The following HPN variants were observed in gnomAD, a reference collection of about 807,000 sequenced individuals.
The protein encoded by HPN is serine protease hepsin.
A neutral mutation model predicts 55.9 loss-of-function variants in HPN; 13 were observed. The observed-to-expected ratio is 0.23, with a 90% CI of 0.15 to 0.37. The LOEUF (loss-of-function observed/expected upper bound fraction) is 0.37. Ranked by LOEUF, HPN falls within the 10% of genes least tolerant of loss-of-function variation. The pLI, the probability that HPN is intolerant of heterozygous loss-of-function variation, is 1.00. For missense variants in HPN, 451 were observed against 575.8 expected (o/e 0.78, Z 2.22); for synonymous variants, 225 against 240.3 (o/e 0.94, Z 0.59).
At chr19:35,058,583 TATA>T (rs1568360826) in intron 4 of HPN, among the ~76,000 whole-genome samples, 2 of 146,626 alleles carry the variant, frequency 1.4e-5, no homozygotes, top group Non-Finnish European at 3.0e-5. Context: ...ATTATAATAA[TATA>T]TTATTATATT....
chr19:35,042,772 C>T (rs1370523676), intron 2 of HPN, among the ~76,000 whole-genome samples: 2 of 152,194 alleles, frequency 1.3e-5, no homozygotes, highest in African/African-American at 2.4e-5. Flanking sequence ...CCCTCATCCC[C>T]CAGTGATTTC....
chr19:35,060,532 G>C lies in HPN; in HGVS notation c.620+20G>C, dbSNP rs376696619. 2 of 1,611,852 alleles carry C rather than the reference G, an allele frequency of 1.2e-6. No homozygotes were observed. The highest frequency in any genetic ancestry group is 2.7e-5 in the African/African-American group (2 of 75,064). The stretch of plus-strand genomic sequence containing the variant: ...CCCGGAGTGAGTGCCCCCCAATGGC[G>C]CTGATGATGGGGAGGCAGAGGAGCG... On this transcript the variant is annotated intron_variant, in intron 8 of 12. Coordinates refer to ENST00000672452, the MANE Select transcript of HPN (RefSeq NM_001384133.1).
intron 4 of HPN, among the ~76,000 whole-genome samples, chr19:35,053,927 C>A (rs2064429321): frequency 6.6e-6 from 1 of 152,100 alleles, no homozygotes; most frequent in African/African-American, 2.4e-5. Flanking sequence ...GGCAGGCCAG[C>A]CAGGTGGCTT....
At chr19:35,048,072 GAAA>G (rs769800956) in intron 2 of HPN, among the ~76,000 whole-genome samples, 613 of 57,108 alleles carry the variant, frequency 0.011, 7 homozygotes, top group African/African-American at 0.037. Flanking sequence ...AAGAAAGAAA[GAAA>G]GAAAGAAAAG....
chr19:35,041,049 C>A (rs552728841), upstream of HPN, among the ~76,000 whole-genome samples: 1 of 152,334 alleles, frequency 6.6e-6, no homozygotes, highest in Non-Finnish European at 1.5e-5. Flanking sequence ...CGCCTGGCTG[C>A]TGGCGGGACA....
chr19:35,062,076 A>G (rs758336976), intron 9 of HPN, among the ~76,000 whole-genome samples: 1 of 152,116 alleles, frequency 6.6e-6, no homozygotes, highest in African/African-American at 2.4e-5. Flanking sequence ...AGAAGAAAGA[A>G]AGAAAGAGAA....
At chr19:35,062,088 G>T (rs111405470) in intron 9 of HPN, among the ~76,000 whole-genome samples, 5,278 of 151,234 alleles carry the variant, frequency 0.035, 318 homozygotes, top group African/African-American at 0.12. Flanking sequence ...GAAAGAGAAA[G>T]AAAAGAAAGG....
intron 4 of HPN, 101 bp from the exon 5 acceptor site, chr19:35,059,572 C>T: frequency 1.4e-6 from 2 of 1,459,372 alleles, no homozygotes; most frequent in Non-Finnish European, 1.9e-6. Flanking sequence ...CACGTCTACA[C>T]CACATGGCTG....
intron 2 of HPN, among the ~76,000 whole-genome samples, chr19:35,048,063 AG>A (rs2064362969): frequency 1.3e-4 from 7 of 52,564 alleles, no homozygotes; most frequent in Non-Finnish European, 6.5e-5. Flanking sequence ...AAAGAAAGAA[AG>A]AAAGAAAGAA....
At position 35,042,552 on chromosome 19, in the gene HPN, G is replaced by T. The variant is rs764971963; in HGVS notation, c.16+30G>T. ...GTCCCCTTCCCTGAGCCCCAGCTTT[G>T]GCTCTGCCTGGCGCCCCGCCCTCTG... On this transcript the variant is annotated intron_variant, in intron 2 of 12. Transcript: ENST00000672452. 5 of 1,579,050 alleles carry T rather than the reference G, an allele frequency of 3.2e-6. No homozygotes were observed. The South Asian group carries it at 4.6e-5, about 14-fold the overall frequency.
chr19:35,060,774 C>T lies in HPN; in HGVS notation c.768C>T (p.Asn256=), dbSNP rs1014770632. 35 of 1,608,616 alleles carry T rather than the reference C, an allele frequency of 2.2e-5. No individual in the cohort carries two copies. The highest frequency in any genetic ancestry group is 2.6e-5 in the Non-Finnish European group (31 of 1,177,200). The change falls in exon 9 of 13, where the codon AAC becomes AAT. Residue 256 remains asparagine, a synonymous_variant. Transcript: ENST00000672452. ...ACCCCAACAGCGAGGAGAACAGCAA[C>T]GATATTGCCCTGGTCCACCTCTCCA... The part of the protein sequence containing the change: ...FRDPNSEENS[N]DIALVHLSSP...
upstream of HPN, chr19:35,041,690 A>ACCCCCCCCCCCCCCCC: frequency 1.3e-6 from 1 of 773,492 alleles, no homozygotes; most frequent in Non-Finnish European, 1.5e-6. Context: ...CCGCCCCTTC[A>ACCCCCCCCCCCCCCCC]CCCGCCCCTC....
intron 2 of HPN, among the ~76,000 whole-genome samples, chr19:35,048,064 G>C (rs1284561396): frequency 1.9e-5 from 1 of 53,490 alleles, no homozygotes; most frequent in African/African-American, 1.0e-4. Flanking sequence ...AAGAAAGAAA[G>C]AAAGAAAGAA....
At chr19:35,042,349 C>G in intron 1 of HPN, 104 bp from the exon 2 acceptor site, 1 of 1,445,822 alleles carries the variant, frequency 6.9e-7, no homozygotes, top group South Asian at 1.5e-5. Context: ...TGGCCAAGGC[C>G]CAGTCCCTAC....
chr19:35,065,210 C>A, intron 9 of HPN, 40 bp from the exon 10 acceptor site: 1 of 1,452,012 alleles, frequency 6.9e-7, no homozygotes, highest in Non-Finnish European at 9.6e-7. Flanking sequence ...CCAGGTGGGG[C>A]AGGCCAGCGG....
Position 35,066,355 on chromosome 19 carries a change from C to T in HPN, c.*68C>T, listed in dbSNP as rs557024232. ...CCCGGTGGTGGGATCCACGCTGGGC[C>T]TAGGATGGGACGTTTTTCTTCTTGG... On this transcript the variant is annotated 3_prime_UTR_variant, in exon 13 of 13. Coordinates refer to ENST00000672452, the MANE Select transcript of HPN (RefSeq NM_001384133.1). 8 of 1,560,664 alleles carry T rather than the reference C, an allele frequency of 5.1e-6. No individual in the cohort carries two copies. Among genetic ancestry groups the T allele is most frequent in the South Asian group, 4.6e-5 (4 of 86,218 alleles).
At chr19:35,051,740 C>T (rs568746621) in intron 4 of HPN, among the ~76,000 whole-genome samples, 37 of 152,234 alleles carry the variant, frequency 2.4e-4, no homozygotes, top group African/African-American at 5.8e-4. Context: ...CTGACATATG[C>T]CAGGCCCTGG....
At position 35,049,199 on chromosome 19, in the gene HPN, C is replaced by T. The variant is rs1211805445; in HGVS notation, c.17-91C>T. 5.6e-6 allele frequency: 5 copies of T among 886,652 alleles called. No individual in the cohort carries two copies. In the African/African-American group the frequency reaches 8.6e-5, roughly 15 times the overall value. The allele number at this position is 886,652 out of a possible 1,614,324, so 54.9% of individuals were successfully genotyped here. A position where few individuals can be genotyped will look rare whatever the true frequency, so the allele number is the denominator to read the frequency against. Reference sequence around the variant, plus strand: ...GACATGCTTGGGCATAATAAGTTAGCCCTGGGGGCAGGGCAGAGCTGGCCT... The same window carrying T: ...GACATGCTTGGGCATAATAAGTTAGTCCTGGGGGCAGGGCAGAGCTGGCCT... On this transcript the variant is annotated intron_variant, in intron 2 of 12. Coordinates refer to ENST00000672452, the MANE Select transcript of HPN (RefSeq NM_001384133.1).
At chr19:35,049,080 T>A (rs1235392392) in intron 2 of HPN, among the ~76,000 whole-genome samples, 1 of 152,118 alleles carries the variant, frequency 6.6e-6, no homozygotes, top group African/African-American at 2.4e-5. Context: ...CCCTCCCAGC[T>A]GGAACCCTGG....
Sources: gnomAD v4.1 joint callset for allele counts (sites outside exome capture counted in the v4.1 genomes callset) on GRCh38, gnomAD v4.1.1 for gene constraint, MANE v1.5 for transcripts, NCBI Gene and HGNC (gene_info 2026-07-23, HGNC 2026-07-21) for gene names.